The following PPP2R5E variants were observed in gnomAD, a reference collection of about 807,000 sequenced individuals.
PPP2R5E encodes serine/threonine-protein phosphatase 2A 56 kDa regulatory subunit epsilon isoform.
Under a neutral mutation model 65.3 loss-of-function variants are expected in PPP2R5E, and 4 were observed. The observed-to-expected ratio is 0.06, with a 90% CI of 0.03 to 0.14. The LOEUF (loss-of-function observed/expected upper bound fraction) is 0.14, where lower values mean the gene tolerates loss of function less well. Ranked by LOEUF, PPP2R5E falls within the 10% of genes least tolerant of loss-of-function variation. PPP2R5E has a pLI of 1.00. For synonymous variants in PPP2R5E, 183 were observed against 187.4 expected, an observed-to-expected ratio of 0.98 and a Z score of 0.19; for missense variants, 274 against 556.1, an observed-to-expected ratio of 0.49 and a Z score of 5.10.
chr14:63,413,546 G>C (rs1319177254), intron 5 of PPP2R5E, among the ~76,000 whole-genome samples: 1 of 152,096 alleles, frequency 6.6e-6, no homozygotes, highest in Non-Finnish European at 1.5e-5. Context: ...TATAAAATGG[G>C]GCGGAGGGTG....
chr14:63,513,700 A>G (rs1400802897), intron 2 of PPP2R5E, among the ~76,000 whole-genome samples: 4 of 152,220 alleles, frequency 2.6e-5, no homozygotes, highest in African/African-American at 4.8e-5. Context: ...CTGAACACAC[A>G]TCAAACAAAA....
intron 2 of PPP2R5E, among the ~76,000 whole-genome samples, chr14:63,536,129 C>CTT (rs1249315999): frequency 1.3e-5 from 2 of 152,204 alleles, no homozygotes; most frequent in African/African-American, 2.4e-5. Flanking sequence ...AGTCCTGTTA[C>CTT]TCTCCAATTC....
At chr14:63,454,111 A>T (rs1888997643) in intron 2 of PPP2R5E, among the ~76,000 whole-genome samples, 1 of 152,236 alleles carries the variant, frequency 6.6e-6, no homozygotes, top group African/African-American at 2.4e-5. Context: ...TGTATTTGCT[A>T]TTCCACAACC....
intron 2 of PPP2R5E, among the ~76,000 whole-genome samples, chr14:63,477,951 A>C (rs936279572): frequency 2.6e-5 from 4 of 152,188 alleles, no homozygotes; most frequent in African/African-American, 9.6e-5. Context: ...TATTGCTCTT[A>C]CACAAAACAT....
intron 5 of PPP2R5E, among the ~76,000 whole-genome samples, chr14:63,401,572 A>G (rs1001190336): frequency 6.6e-5 from 10 of 152,206 alleles, no homozygotes. Flanking sequence ...TCATAAATCT[A>G]CAATGAAATG....
At chr14:63,458,312 T>TCC (rs1555362219) in intron 2 of PPP2R5E, among the ~76,000 whole-genome samples, 2 of 152,236 alleles carry the variant, frequency 1.3e-5, no homozygotes, top group Non-Finnish European at 2.9e-5. Context: ...TCCCTACTAG[T>TCC]CCACTTCCAT....
intron 13 of PPP2R5E, among the ~76,000 whole-genome samples, chr14:63,378,989 T>G (rs1366498548): frequency 6.6e-6 from 1 of 152,088 alleles, no homozygotes; most frequent in East Asian, 1.9e-4. Context: ...CTTCTATTGC[T>G]CATTTGACAA....
intron 4 of PPP2R5E, 143 bp from the exon 5 acceptor site, chr14:63,415,375 T>C (rs1005149341): frequency 4.0e-6 from 2 of 495,512 alleles, no homozygotes; most frequent in African/African-American, 2.0e-5. Flanking sequence ...CCAGCCTTTC[T>C]TGTGGCTCAC....
intron 2 of PPP2R5E, among the ~76,000 whole-genome samples, chr14:63,501,586 G>A (rs1891891231): frequency 6.6e-6 from 1 of 152,040 alleles, no homozygotes; most frequent in African/African-American, 2.4e-5. Context: ...GACTGCTAAT[G>A]GGCACAGAAT....
chr14:63,433,059 A>T, intron 3 of PPP2R5E, among the ~76,000 whole-genome samples: 1 of 112,442 alleles, frequency 8.9e-6, no homozygotes, highest in Admixed American at 1.0e-4. Flanking sequence ...TTTTTTTGAG[A>T]CAGGGTCTCA....
chr14:63,400,478 C>A (rs1885683278), intron 5 of PPP2R5E, among the ~76,000 whole-genome samples: 1 of 152,242 alleles, frequency 6.6e-6, no homozygotes, highest in East Asian at 1.9e-4. Context: ...AGCAGCCTAT[C>A]CAAACAGAAG....
In PPP2R5E at chr14:63,371,674, A is replaced by G. The variant is rs1166124257; in HGVS notation, c.*4335T>C. The G allele has an allele frequency of 6.6e-6, 1 of 152,104 alleles. No homozygotes were observed. Among genetic ancestry groups the G allele is most frequent in the Admixed American group, 6.6e-5 (1 of 15,258 alleles). The allele number at this position is 152,104 out of a possible 1,614,324, so 9.4% of individuals were successfully genotyped here. A position where few individuals can be genotyped will look rare whatever the true frequency, so the allele number is the denominator to read the frequency against. On this transcript the variant is annotated 3_prime_UTR_variant, in exon 14 of 14. Transcript: ENST00000337537. The stretch of plus-strand genomic sequence containing the variant: ...CTGGTTGAACCAGTCTATAATTTTC[A>G]TATGCAACTTTTCATATCAAAAATG...
At chr14:63,455,693 T>C (rs1889082808) in intron 2 of PPP2R5E, among the ~76,000 whole-genome samples, 1 of 152,356 alleles carries the variant, frequency 6.6e-6, no homozygotes, top group South Asian at 2.1e-4. Context: ...CTTATGAGCA[T>C]GACTATATCC....
chr14:63,428,083 G>T (rs1157678007), intron 3 of PPP2R5E, among the ~76,000 whole-genome samples: 3 of 151,884 alleles, frequency 2.0e-5, no homozygotes, highest in African/African-American at 7.3e-5. Context: ...GCCTGCCAGT[G>T]CCACTCAAAG....
rs538463882 is a variant in PPP2R5E at position 63,465,009 on chromosome 14, T to TGA, written c.158-11126_158-11125dup. 5.5e-3 allele frequency among the ~76,000 whole-genome samples: 788 copies of TGA among 144,414 alleles called. 9 individuals are homozygous for TGA. Among genetic ancestry groups the TGA allele is most frequent in the African/African-American group, 0.019 (740 of 38,126 alleles). 94.7% of individuals were successfully genotyped at this position (144,414 alleles called of 152,430 possible). On this transcript the variant is annotated intron_variant, in intron 2 of 13. Transcript: ENST00000337537. ...CTGCACTCCAGCCTGGGTGACATAG[T>TGA]GAGACTCTGTCTCAAGAAGAAGAAA...
intron 3 of PPP2R5E, among the ~76,000 whole-genome samples, chr14:63,450,703 T>C (rs1010540055): frequency 3.3e-5 from 5 of 151,760 alleles, no homozygotes; most frequent in African/African-American, 7.3e-5. Flanking sequence ...GCCACAGATA[T>C]GTGCAGGACA....
chr14:63,531,958 C>T (rs1157536990), intron 2 of PPP2R5E, among the ~76,000 whole-genome samples: 1 of 150,866 alleles, frequency 6.6e-6, no homozygotes, highest in African/African-American at 2.4e-5. Flanking sequence ...CATCTCAAAA[C>T]ACACACACAC....
At chr14:63,500,639 A>C (rs1054327282) in intron 2 of PPP2R5E, among the ~76,000 whole-genome samples, 1 of 152,138 alleles carries the variant, frequency 6.6e-6, no homozygotes, top group Non-Finnish European at 1.5e-5. Flanking sequence ...GGATCTCTTG[A>C]GGCCAAGAGT....
intron 2 of PPP2R5E, among the ~76,000 whole-genome samples, chr14:63,508,552 T>C (rs1892322608): frequency 6.6e-6 from 1 of 152,198 alleles, no homozygotes. Flanking sequence ...CTCTCAATAT[T>C]CCCCTTTTTA....
Sources: allele counts gnomAD v4.1 joint callset (sites outside exome capture counted in the v4.1 genomes callset), GRCh38; gene constraint gnomAD v4.1.1; transcripts MANE v1.5; gene names NCBI Gene and HGNC (gene_info 2026-07-23, HGNC 2026-07-21).